Variants in MAPK10 observed in about 807,000 individuals in gnomAD.
MAPK10 encodes the protein mitogen-activated protein kinase 10.
In MAPK10, 25 loss-of-function variants were observed where a neutral mutation model predicts 59.3. The ratio of observed to expected loss-of-function variants is 0.42; its 90% CI spans 0.31 to 0.59. The LOEUF (loss-of-function observed/expected upper bound fraction) is 0.59, where lower values mean the gene tolerates loss of function less well. Ranked by LOEUF, MAPK10 falls within the 20% of genes least tolerant of loss-of-function variation. The probability of loss-of-function intolerance (pLI) is 0.15; values close to 1 mark genes in which losing one functional copy is unlikely to be tolerated. For synonymous variants in MAPK10, 190 were observed against 200.5 expected, an observed-to-expected ratio of 0.95 and a Z score of 0.44; for missense variants, 351 against 568.9, an observed-to-expected ratio of 0.62 and a Z score of 3.90.
intron 2 of MAPK10, among the ~76,000 whole-genome samples, chr4:86,313,625 G>T (rs894969826): frequency 6.6e-6 from 1 of 152,060 alleles, no homozygotes; most frequent in African/African-American, 2.4e-5. Context: ...TCTCAACATT[G>T]TTTGTCATTA....
chr4:86,372,060 C>T (rs992664258), intron 1 of MAPK10, among the ~76,000 whole-genome samples: 1 of 152,142 alleles, frequency 6.6e-6, no homozygotes, highest in African/African-American at 2.4e-5. Flanking sequence ...ACTCTCCACC[C>T]CCAAATCAAA....
At chr4:86,198,315 G>A (rs2081866546) in intron 2 of MAPK10, among the ~76,000 whole-genome samples, 1 of 152,004 alleles carries the variant, frequency 6.6e-6, no homozygotes, top group African/African-American at 2.4e-5. Context: ...TTAGCTTGAG[G>A]TTTCTCTTCA....
At chr4:86,339,218 TCATGCAGTGACTAAGGGAGG>T (rs1263936152) in intron 2 of MAPK10, among the ~76,000 whole-genome samples, 3 of 151,686 alleles carry the variant, frequency 2.0e-5, no homozygotes, top group East Asian at 1.9e-4. Context: ...TCAGGCAGAG[TCATGCAGTGACTAAGGGAGG>T]CATGCAGTGA....
chr4:86,575,933 A>C (rs2149110054), intron 1 of MAPK10, among the ~76,000 whole-genome samples: 1 of 152,042 alleles, frequency 6.6e-6, no homozygotes, highest in South Asian at 2.1e-4. Context: ...TATCACTGTC[A>C]CCTTCAAAGA....
chr4:86,479,683 A>G (rs1010829764), intron 1 of MAPK10, among the ~76,000 whole-genome samples: 3 of 152,126 alleles, frequency 2.0e-5, no homozygotes, highest in Non-Finnish European at 4.4e-5. Context: ...CTTTGCCGGC[A>G]GGGCTATGCT....
intron 1 of MAPK10, among the ~76,000 whole-genome samples, chr4:86,413,077 A>G (rs951617046): frequency 3.3e-5 from 5 of 152,010 alleles, no homozygotes; most frequent in African/African-American, 9.7e-5. Context: ...TGACCTACAG[A>G]TGGGGTTTTG....
chr4:86,363,531 T>G (rs1210820519), upstream of MAPK10, among the ~76,000 whole-genome samples: 1 of 152,220 alleles, frequency 6.6e-6, no homozygotes. Flanking sequence ...TTATTGGCAG[T>G]TATAATTGTA....
intron 2 of MAPK10, among the ~76,000 whole-genome samples, chr4:86,301,876 C>T (rs185270538): frequency 6.6e-6 from 1 of 152,338 alleles, no homozygotes; most frequent in East Asian, 1.9e-4. Context: ...CACAGTACTC[C>T]TCTTTTTTAA....
At chr4:86,585,498 G>A (rs562474163) in intron 1 of MAPK10, among the ~76,000 whole-genome samples, 12 of 152,316 alleles carry the variant, frequency 7.9e-5, no homozygotes, top group South Asian at 4.1e-4. Context: ...ACAGTAGATC[G>A]ATGGTCAAAA....
intron 1 of MAPK10, among the ~76,000 whole-genome samples, chr4:86,525,817 T>G (rs180884274): frequency 6.6e-6 from 1 of 152,326 alleles, no homozygotes; most frequent in South Asian, 2.1e-4. Flanking sequence ...AATATAGGAA[T>G]AGCTGTTTCA....
intron 1 of MAPK10, among the ~76,000 whole-genome samples, chr4:86,555,267 G>A (rs749230507): frequency 6.6e-6 from 1 of 152,084 alleles, no homozygotes; most frequent in South Asian, 2.1e-4. Context: ...CCAATATGGT[G>A]AAACCCTGTC....
intron 2 of MAPK10, among the ~76,000 whole-genome samples, chr4:86,233,411 ACT>A (rs2091852358): frequency 2.0e-5 from 3 of 151,892 alleles, no homozygotes; most frequent in Admixed American, 6.6e-5. Flanking sequence ...AAAAATATAA[ACT>A]CTCTGACTGA....
chr4:86,131,481 C>T (rs1208360945), intron 4 of MAPK10, among the ~76,000 whole-genome samples: 1 of 152,124 alleles, frequency 6.6e-6, no homozygotes, highest in Non-Finnish European at 1.5e-5. Flanking sequence ...GGGATTTATC[C>T]TAGCATCTGG....
At chr4:86,046,660 T>C (rs2148951350) in intron 11 of MAPK10, among the ~76,000 whole-genome samples, 1 of 152,278 alleles carries the variant, frequency 6.6e-6, no homozygotes, top group East Asian at 1.9e-4. Context: ...AAATAAATTA[T>C]GACATGTCTG....
chr4:86,530,867 T>C (rs13113206), intron 1 of MAPK10, among the ~76,000 whole-genome samples: 28 of 152,194 alleles, frequency 1.8e-4, no homozygotes, highest in Non-Finnish European at 3.8e-4. Flanking sequence ...GTCATCTTCA[T>C]ATAAACAGAA....
intron 4 of MAPK10, among the ~76,000 whole-genome samples, chr4:86,142,248 G>A (rs1447901639): frequency 6.6e-6 from 1 of 152,144 alleles, no homozygotes; most frequent in Non-Finnish European, 1.5e-5. Context: ...ACCTCAGAGA[G>A]GTATGCTAAT....
At chr4:86,594,048 C>T (rs1763335841) in exon 1 of MAPK10, 1 of 152,272 alleles carries the variant, frequency 6.6e-6, no homozygotes, top group Non-Finnish European at 1.5e-5. Flanking sequence ...AACTCTGCCG[C>T]TCGGTCACCA....
chr4:86,163,585 A>G (rs1041693365), intron 3 of MAPK10, among the ~76,000 whole-genome samples: 2 of 152,158 alleles, frequency 1.3e-5, no homozygotes, highest in African/African-American at 4.8e-5. Context: ...TACTTGGTCT[A>G]CAGCAGAGAT....
At chr4:86,178,370 G>A (rs2076159980) in intron 3 of MAPK10, among the ~76,000 whole-genome samples, 1 of 151,968 alleles carries the variant, frequency 6.6e-6, no homozygotes, top group African/African-American at 2.4e-5. Context: ...TATCTCTGAG[G>A]TCTTGAACTC....
Sources: gnomAD v4.1 joint callset for allele counts (sites outside exome capture counted in the v4.1 genomes callset) on GRCh38, gnomAD v4.1.1 for gene constraint, MANE v1.5 for transcripts, NCBI Gene and HGNC (gene_info 2026-07-23, HGNC 2026-07-21) for gene names.